The following EPN2 variants were observed in gnomAD, a reference collection of about 807,000 sequenced individuals.
The protein encoded by EPN2 is epsin 2.
In EPN2, 34 loss-of-function variants were observed where a neutral mutation model predicts 61.7. The observed-to-expected ratio is 0.55, with a 90% CI of 0.42 to 0.73. The LOEUF (loss-of-function observed/expected upper bound fraction) is 0.73, where lower values mean the gene tolerates loss of function less well. Among genes scored for constraint, EPN2 ranks in the 30% least tolerant of loss-of-function variants. EPN2 has a pLI of 0.00. For synonymous variants in EPN2, 349 were observed against 353.6 expected (o/e 0.99, Z 0.15); for missense variants, 714 against 839.2 (o/e 0.85, Z 1.84).
chr17:19,256,833 G>C (rs1166798327), intron 1 of EPN2, among the ~76,000 whole-genome samples: 1 of 152,166 alleles, frequency 6.6e-6, no homozygotes. Flanking sequence ...CCTGATTTGT[G>C]CTTAATACCT....
Position 19,285,757 on chromosome 17 carries a change from C to T in EPN2, c.733C>T (p.Gln245Ter). The change falls in exon 4 of 11, where the codon CAG becomes TAG. Residue 245 changes from glutamine (Q) to a stop codon, truncating the protein, a stop_gained. Transcript: ENST00000314728. LOFTEE classifies it high-confidence loss of function. This position sits in a 1 kb window ranked among gnomAD's most constrained non-coding sequence, Gnocchi z 4.5. Reference protein sequence around the residue: ...LASRPNGDWSQPCLTCDRAAR... With the variant: ...LASRPNGDWS ...CTCCCGCCCAAATGGCGACTGGTCCCAGCCCTGCCTCACTTGTGACCGCGC... is the reference window on the plus strand; with the variant it reads ...CTCCCGCCCAAATGGCGACTGGTCCTAGCCCTGCCTCACTTGTGACCGCGC... 1 of 1,607,728 alleles carries T rather than the reference C, an allele frequency of 6.2e-7. No homozygotes were observed. Among genetic ancestry groups the T allele is most frequent in the Non-Finnish European group, 8.5e-7 (1 of 1,177,792 alleles).
chr17:19,272,232 T>C (rs2045262110), intron 1 of EPN2, among the ~76,000 whole-genome samples: 1 of 152,124 alleles, frequency 6.6e-6, no homozygotes, highest in South Asian at 2.1e-4. Flanking sequence ...GTGTGAGAAA[T>C]GGGGAATCTC....
intron 5 of EPN2, 140 bp downstream of exon 5, chr17:19,310,137 C>T (rs1225899587): frequency 1.5e-6 from 1 of 659,488 alleles, no homozygotes; most frequent in Non-Finnish European, 2.7e-6. Flanking sequence ...TTTCATGCTG[C>T]CGTAAGTGTG....
intron 1 of EPN2, among the ~76,000 whole-genome samples, chr17:19,244,366 C>T (rs1463233971): frequency 1.3e-5 from 2 of 150,684 alleles, no homozygotes; most frequent in African/African-American, 2.4e-5. Context: ...GGCTGAGGCA[C>T]GAGAATTGCT....
intron 4 of EPN2, among the ~76,000 whole-genome samples, chr17:19,296,226 C>T (rs2045518482): frequency 6.6e-6 from 1 of 151,972 alleles, no homozygotes; most frequent in Admixed American, 6.5e-5. Flanking sequence ...TCTCGGCTCA[C>T]TACAACCTCT....
intron 1 of EPN2, among the ~76,000 whole-genome samples, chr17:19,275,195 A>C (rs1350363238): frequency 6.6e-6 from 1 of 151,996 alleles, no homozygotes; most frequent in Non-Finnish European, 1.5e-5. Flanking sequence ...CTGCACTCCT[A>C]CTTGAGGCCC....
At chr17:19,308,134 C>T (rs1046171988) in intron 4 of EPN2, 12 of 692,152 alleles carry the variant, frequency 1.7e-5, no homozygotes, top group Non-Finnish European at 2.1e-5. Context: ...AGTGCAGTAG[C>T]TTGATCTTGG....
intron 7 of EPN2, among the ~76,000 whole-genome samples, chr17:19,326,225 A>G (rs1425153358): frequency 6.6e-6 from 1 of 152,210 alleles, no homozygotes; most frequent in Non-Finnish European, 1.5e-5. Context: ...TCTGGCCAAA[A>G]TCCCAAAAAT....
intron 9 of EPN2, chr17:19,330,569 C>T (rs1013660618): frequency 1.3e-5 from 2 of 152,372 alleles, no homozygotes; most frequent in African/African-American, 4.8e-5. Context: ...TTTTTTGGGT[C>T]TTTCCTTTGC....
rs1275156131 is a variant in EPN2, at chr17:19,334,338, T to C, written c.*84T>C. On this transcript the variant is annotated 3_prime_UTR_variant, in exon 11 of 11. Coordinates refer to ENST00000314728, the MANE Select transcript of EPN2 (RefSeq NM_014964.5). This position sits in a 1 kb window ranked among gnomAD's most constrained non-coding sequence, Gnocchi z 4.9. ...TCGTCTGTGGGACGGGATCCAAGAG[T>C]TTGGGGATTAGGGGTATTAGGGCTT... 3.4e-5 allele frequency: 41 copies of C among 1,221,732 alleles called. No homozygotes were observed. The highest frequency in any genetic ancestry group is 4.3e-5 in the Non-Finnish European group (40 of 930,536). 75.7% of individuals were successfully genotyped at this position (1,221,732 alleles called of 1,614,324 possible).
chr17:19,253,071 A>G (rs2045032044), intron 1 of EPN2, among the ~76,000 whole-genome samples: 1 of 152,148 alleles, frequency 6.6e-6, no homozygotes, highest in African/African-American at 2.4e-5. Flanking sequence ...GCCACTATCT[A>G]GTTTCAGAAC....
At chr17:19,249,033 G>A (rs1263462391) in intron 1 of EPN2, among the ~76,000 whole-genome samples, 1 of 152,240 alleles carries the variant, frequency 6.6e-6, no homozygotes, top group Non-Finnish European at 1.5e-5. Context: ...AGCTGGACAT[G>A]TGGCAGAGGC....
intron 1 of EPN2, among the ~76,000 whole-genome samples, chr17:19,239,644 C>T (rs973682559): frequency 1.3e-5 from 2 of 152,174 alleles, no homozygotes; most frequent in African/African-American, 4.8e-5. Flanking sequence ...GACTGCGTCC[C>T]ACAAGTCCCC....
At chr17:19,300,718 G>A (rs993257100) in intron 4 of EPN2, among the ~76,000 whole-genome samples, 3 of 152,136 alleles carry the variant, frequency 2.0e-5, no homozygotes, top group East Asian at 1.9e-4. Context: ...ATGAGCCACC[G>A]GCACCCGGCA....
At chr17:19,301,929 C>CA (rs2152226946) in intron 4 of EPN2, among the ~76,000 whole-genome samples, 1 of 152,362 alleles carries the variant, frequency 6.6e-6, no homozygotes, top group East Asian at 1.9e-4. Context: ...ACTGAGGGTG[C>CA]AAAGCCCCTT....
chr17:19,274,264 G>A (rs1372128094), intron 1 of EPN2: 1 of 152,342 alleles, frequency 6.6e-6, no homozygotes. Context: ...CAGACTCCCA[G>A]GAAGTTCTGA....
At chr17:19,287,759 GC>G (rs1360688679) in intron 4 of EPN2, among the ~76,000 whole-genome samples, 3 of 152,200 alleles carry the variant, frequency 2.0e-5, no homozygotes, top group Admixed American at 6.5e-5. Flanking sequence ...CTGCTCAGAA[GC>G]CCTCTTCACA....
chr17:19,326,371 C>T (rs1374592571), intron 7 of EPN2, among the ~76,000 whole-genome samples: 2 of 152,106 alleles, frequency 1.3e-5, no homozygotes, highest in African/African-American at 4.8e-5. Flanking sequence ...ATTCTCATAA[C>T]ACTGTTTGTG....
At position 19,278,534 on chromosome 17, in the gene EPN2, C is replaced by T. The variant is rs529466439; in HGVS notation, c.-293-3421C>T. On this transcript the variant is annotated intron_variant, in intron 1 of 10. Transcript: ENST00000314728. ...AGGAATAGCATGGGAAAGACTGGCC[C>T]GCATAATTCAATTACCTCTCCCGGG... Among the ~76,000 whole-genome samples, 7 of 152,264 alleles carry T rather than the reference C, an allele frequency of 4.6e-5. No individual in the cohort carries two copies. In the South Asian group the frequency reaches 1.0e-3, roughly 23 times the overall value.
Sources: gnomAD v4.1 joint callset for allele counts (sites outside exome capture counted in the v4.1 genomes callset) on GRCh38, gnomAD v4.1.1 for gene constraint, Gnocchi (gnomAD v3.1) non-coding constraint, MANE v1.5 for transcripts, NCBI Gene and HGNC (gene_info 2026-07-23, HGNC 2026-07-21) for gene names.